The following MALRD1 variants were observed in gnomAD, a reference collection of about 807,000 sequenced individuals.
MALRD1 encodes MAM and LDL-receptor class A domain-containing protein 1.
MALRD1 carries 247 observed loss-of-function variants against 242.1 expected under a neutral mutation model. The observed-to-expected ratio is 1.02, with a 90% CI of 0.92 to 1.13. The LOEUF (loss-of-function observed/expected upper bound fraction) is 1.13, where lower values mean the gene tolerates loss of function less well. Among genes scored for constraint, MALRD1 ranks in the 50% most tolerant of loss-of-function variants. The pLI is 0.00. For missense variants in MALRD1, 2,989 were observed against 2,533.1 expected (o/e 1.18, Z -3.86); for synonymous variants, 995 against 866.6 (o/e 1.15, Z -2.60).
intron 31 of MALRD1, among the ~76,000 whole-genome samples, chr10:19,530,448 A>AATATTATATAATATG (rs1554793525): frequency 1.0e-5 from 1 of 100,184 alleles, no homozygotes. Flanking sequence ...AATATATAAT[A>AATATTATATAATATG]TATAATATAT....
In MALRD1 at chr10:19,155,107, C is replaced by G. The variant is rs767131780; in HGVS notation, c.1591C>G (p.Pro531Ala). The change falls in exon 12 of 40, where the codon CCC becomes GCC. Residue 531 changes from proline to alanine, a missense_variant. Transcript: ENST00000454679. ...TATTTATTTGGAGGCACAGCGCTCCCCCGGGGTGGCCAAGCTTGGAAGTCC... is the reference window on the plus strand; with the variant it reads ...TATTTATTTGGAGGCACAGCGCTCCGCCGGGGTGGCCAAGCTTGGAAGTCC... ...SFIYLEAQRS[P>A]GVAKLGSPVL... The G allele has an allele frequency of 6.7e-4, 827 of 1,231,448 alleles. 1 individual carries two copies. The highest frequency in any genetic ancestry group is 7.8e-4 in the Non-Finnish European group (775 of 987,928). 76.3% of individuals were successfully genotyped at this position (1,231,448 alleles called of 1,614,324 possible). A position where few individuals can be genotyped will look rare whatever the true frequency, so the allele number is the denominator to read the frequency against.
At chr10:19,716,606 G>C (rs1589436583) in intron 38 of MALRD1, among the ~76,000 whole-genome samples, 1 of 152,162 alleles carries the variant, frequency 6.6e-6, no homozygotes, top group East Asian at 1.9e-4. Context: ...TGCAAGAATG[G>C]AAAAATACAG....
chr10:19,628,600 A>G (rs1839778568), intron 36 of MALRD1, among the ~76,000 whole-genome samples: 1 of 152,140 alleles, frequency 6.6e-6, no homozygotes, highest in African/African-American at 2.4e-5. Flanking sequence ...TGAGTTACAC[A>G]TCAAACTGTT....
intron 21 of MALRD1, among the ~76,000 whole-genome samples, chr10:19,315,556 A>ATAAT: frequency 9.7e-6 from 1 of 102,638 alleles, no homozygotes; most frequent in Non-Finnish European, 1.8e-5. Context: ...AAATATAAAT[A>ATAAT]TTATTTATAT....
At chr10:19,613,223 A>G (rs1350945241) in intron 35 of MALRD1, among the ~76,000 whole-genome samples, 1 of 152,060 alleles carries the variant, frequency 6.6e-6, no homozygotes, top group Non-Finnish European at 1.5e-5. Context: ...AGAGAAAAAA[A>G]TCTGAAGAAA....
At chr10:19,682,841 A>C (rs1006683006) in intron 36 of MALRD1, among the ~76,000 whole-genome samples, 1 of 152,230 alleles carries the variant, frequency 6.6e-6, no homozygotes, top group African/African-American at 2.4e-5. Flanking sequence ...TTGGAAGAGC[A>C]GTACTTTCTC....
chr10:19,652,470 T>A (rs1251054633), intron 36 of MALRD1, among the ~76,000 whole-genome samples: 4 of 152,194 alleles, frequency 2.6e-5, no homozygotes, highest in Non-Finnish European at 4.4e-5. Flanking sequence ...AAAGTTTGCG[T>A]ATGATACTGT....
chr10:19,215,552 A>G (rs1190931187), intron 18 of MALRD1, among the ~76,000 whole-genome samples: 1 of 152,152 alleles, frequency 6.6e-6, no homozygotes, highest in Non-Finnish European at 1.5e-5. Context: ...CTTCTTGTAA[A>G]GCATCAGTGA....
chr10:19,048,663 T>C (rs1834399192), upstream of MALRD1: 1 of 251,112 alleles, frequency 4.0e-6, no homozygotes, highest in Non-Finnish European at 7.5e-6. Flanking sequence ...AAGGCTTAAA[T>C]TGTGTAAATA....
intron 26 of MALRD1, among the ~76,000 whole-genome samples, chr10:19,358,869 C>T (rs1043108447): frequency 6.6e-6 from 1 of 152,074 alleles, no homozygotes; most frequent in African/African-American, 2.4e-5. Context: ...CTATTCACTG[C>T]TGAAAGCAAG....
chr10:19,475,941 A>T (rs1467642736), intron 29 of MALRD1, among the ~76,000 whole-genome samples: 1 of 152,172 alleles, frequency 6.6e-6, no homozygotes, highest in East Asian at 1.9e-4. Flanking sequence ...TGAACGTGGG[A>T]TTGTTTTCCT....
At chr10:19,438,427 T>C (rs1226498263) in intron 28 of MALRD1, among the ~76,000 whole-genome samples, 1 of 152,208 alleles carries the variant, frequency 6.6e-6, no homozygotes, top group Non-Finnish European at 1.5e-5. Flanking sequence ...ACATGTAGAT[T>C]GCTTCCATAT....
chr10:19,555,383 T>A (rs2131419237), intron 32 of MALRD1, among the ~76,000 whole-genome samples: 1 of 152,210 alleles, frequency 6.6e-6, no homozygotes, highest in Middle Eastern at 3.4e-3. Context: ...TAGGACTTCA[T>A]TTTTACAACC....
chr10:19,685,256 A>C (rs551336758), intron 36 of MALRD1, among the ~76,000 whole-genome samples: 4 of 151,794 alleles, frequency 2.6e-5, no homozygotes, highest in African/African-American at 9.7e-5. Context: ...TTTATTTTCT[A>C]TTTTGCATCT....
At chr10:19,482,291 A>G (rs1837028722) in intron 29 of MALRD1, among the ~76,000 whole-genome samples, 1 of 152,100 alleles carries the variant, frequency 6.6e-6, no homozygotes, top group African/African-American at 2.4e-5. Context: ...CATGCCTACC[A>G]TAAAAACTGT....
chr10:19,374,353 A>T (rs1845511315), intron 26 of MALRD1, among the ~76,000 whole-genome samples: 1 of 152,204 alleles, frequency 6.6e-6, no homozygotes. Flanking sequence ...GATAAATTAA[A>T]ATTTTCAGTG....
At chr10:19,677,824 C>T (rs917136751) in intron 36 of MALRD1, among the ~76,000 whole-genome samples, 1 of 151,996 alleles carries the variant, frequency 6.6e-6, no homozygotes, top group Non-Finnish European at 1.5e-5. Context: ...GTCTTTAATC[C>T]ATCTTGAATT....
At chr10:19,303,998 A>G (rs965605915) in intron 21 of MALRD1, among the ~76,000 whole-genome samples, 1 of 151,704 alleles carries the variant, frequency 6.6e-6, no homozygotes, top group Non-Finnish European at 1.5e-5. Context: ...TTTCAACTTG[A>G]CTGGGTTAAG....
intron 33 of MALRD1, among the ~76,000 whole-genome samples, chr10:19,587,158 C>T (rs892910316): frequency 6.6e-6 from 1 of 152,354 alleles, no homozygotes; most frequent in Admixed American, 6.5e-5. Context: ...CCCGGTACCT[C>T]AGATGGAAAT....
Sources: gnomAD v4.1 joint callset for allele counts (sites outside exome capture counted in the v4.1 genomes callset) on GRCh38, gnomAD v4.1.1 for gene constraint, MANE v1.5 for transcripts, NCBI Gene and HGNC (gene_info 2026-07-23, HGNC 2026-07-21) for gene names.